Variants in HESX1 observed in about 807,000 individuals in gnomAD.
HESX1 encodes HESX homeobox 1.
HESX1 carries 11 observed loss-of-function variants against 22.5 expected under a neutral mutation model. The observed-to-expected ratio is 0.49, with a 90% CI of 0.31 to 0.81. The LOEUF (loss-of-function observed/expected upper bound fraction) is 0.81. Ranked by LOEUF, HESX1 falls within the 30% of genes least tolerant of loss-of-function variation. The probability of loss-of-function intolerance (pLI) is 0.05; values close to 1 mark genes in which losing one functional copy is unlikely to be tolerated. For synonymous variants in HESX1, 74 were observed against 76.5 expected, an observed-to-expected ratio of 0.97 and a Z score of 0.17; for missense variants, 201 against 212.6, an observed-to-expected ratio of 0.95 and a Z score of 0.34.
chr3:57,221,663 G>C (rs975852679), intron 1 of HESX1, among the ~76,000 whole-genome samples: 2 of 152,150 alleles, frequency 1.3e-5, no homozygotes, highest in Non-Finnish European at 2.9e-5. Flanking sequence ...CTGGAGTGCA[G>C]TGGCACAATC....
chr3:57,226,352 G>A (rs1205483465), exon 1 of HESX1: 1 of 152,106 alleles, frequency 6.6e-6, no homozygotes, highest in Non-Finnish European at 1.5e-5. Flanking sequence ...TGGCAGAGTA[G>A]AAATGAGATA....
At chr3:57,212,843 G>T (rs777027989) in intron 1 of HESX1, among the ~76,000 whole-genome samples, 1 of 152,040 alleles carries the variant, frequency 6.6e-6, no homozygotes, top group Non-Finnish European at 1.5e-5. Context: ...TACACAACGT[G>T]CAAGTTTGTT....
chr3:57,217,587 T>C (rs1405872695), intron 1 of HESX1, among the ~76,000 whole-genome samples: 1 of 152,132 alleles, frequency 6.6e-6, no homozygotes, highest in Non-Finnish European at 1.5e-5. Context: ...TCTTCCTACT[T>C]GGGCTCTGAC....
intron 1 of HESX1, among the ~76,000 whole-genome samples, chr3:57,220,214 C>A (rs2060607830): frequency 6.6e-6 from 1 of 152,074 alleles, no homozygotes; most frequent in African/African-American, 2.4e-5. Flanking sequence ...ATTTTTGTAC[C>A]AATACCATGC....
At chr3:57,215,505 A>C (rs1270614614) in intron 1 of HESX1, among the ~76,000 whole-genome samples, 1 of 152,194 alleles carries the variant, frequency 6.6e-6, no homozygotes, top group Admixed American at 6.5e-5. Flanking sequence ...ACGGTGGCTC[A>C]CACCTGTAAT....
intron 2 of HESX1, 26 bp downstream of exon 2, chr3:57,198,721 TATTATC>T: frequency 6.2e-7 from 1 of 1,600,410 alleles, no homozygotes; most frequent in Non-Finnish European, 8.6e-7. Flanking sequence ...AAAGCCTTTA[TATTATC>T]ATTATTGGGT....
At chr3:57,199,548 G>A (rs1490830604) in intron 1 of HESX1, among the ~76,000 whole-genome samples, 1 of 151,884 alleles carries the variant, frequency 6.6e-6, no homozygotes, top group African/African-American at 2.4e-5. Context: ...GAACCCAGGA[G>A]GCGGAGGCTG....
chr3:57,217,125 G>T (rs920881264), intron 1 of HESX1, among the ~76,000 whole-genome samples: 25 of 152,032 alleles, frequency 1.6e-4, no homozygotes, highest in Non-Finnish European at 1.6e-4. Flanking sequence ...ATTCCTCCAA[G>T]GAGCCCTCCA....
chr3:57,222,007 T>A (rs1019427344), intron 1 of HESX1, among the ~76,000 whole-genome samples: 3 of 152,220 alleles, frequency 2.0e-5, no homozygotes, highest in African/African-American at 7.2e-5. Context: ...ATATTTTTGT[T>A]TTGTTCATTA....
chr3:57,225,869 T>C (rs990563469), intron 1 of HESX1, among the ~76,000 whole-genome samples: 2 of 140,232 alleles, frequency 1.4e-5, no homozygotes, highest in Non-Finnish European at 3.2e-5. Flanking sequence ...ACAAATACTT[T>C]TCTTTTCTTT....
At chr3:57,218,867 G>C (rs560437386) in intron 1 of HESX1, among the ~76,000 whole-genome samples, 1 of 152,304 alleles carries the variant, frequency 6.6e-6, no homozygotes, top group East Asian at 1.9e-4. Context: ...GACTAGTGCT[G>C]CAATGACCAT....
chr3:57,198,642 G>T, intron 2 of HESX1, 111 bp downstream of exon 2: 2 of 1,104,128 alleles, frequency 1.8e-6, no homozygotes, highest in Non-Finnish European at 2.8e-6. Flanking sequence ...GTAGTCTACT[G>T]TTTCATTAAT....
intron 1 of HESX1, among the ~76,000 whole-genome samples, chr3:57,219,899 C>T (rs935895362): frequency 6.6e-6 from 1 of 152,198 alleles, no homozygotes; most frequent in Non-Finnish European, 1.5e-5. Context: ...GCATTTTCAT[C>T]ATGAAATCTT....
chr3:57,218,533 T>C (rs1559501979), intron 1 of HESX1, among the ~76,000 whole-genome samples: 2 of 146,390 alleles, frequency 1.4e-5, no homozygotes, highest in African/African-American at 5.0e-5. Flanking sequence ...AACCTCTGCC[T>C]CCCGGGTTCA....
At chr3:57,210,861 A>C (rs2060549235) in intron 1 of HESX1, among the ~76,000 whole-genome samples, 1 of 152,230 alleles carries the variant, frequency 6.6e-6, no homozygotes, top group Non-Finnish European at 1.5e-5. Context: ...TCTACAGAAG[A>C]GAAGACACTA....
At chr3:57,199,702 G>A in intron 1 of HESX1, 60 bp downstream of exon 1, 1 of 1,474,290 alleles carries the variant, frequency 6.8e-7, no homozygotes, top group East Asian at 2.3e-5. Context: ...TGAAATAAAG[G>A]GCAAATTAAA....
At chr3:57,203,176 G>A (rs968355193), upstream of HESX1, among the ~76,000 whole-genome samples, 2 of 152,144 alleles carry the variant, frequency 1.3e-5, no homozygotes, top group Non-Finnish European at 2.9e-5. Flanking sequence ...AGAAGTGAGT[G>A]CAACCAGGGA....
chr3:57,225,620 C>T (rs1454811629), intron 1 of HESX1, among the ~76,000 whole-genome samples: 6 of 152,140 alleles, frequency 3.9e-5, no homozygotes, highest in African/African-American at 1.2e-4. Flanking sequence ...GGATTACAGG[C>T]GTGAGCCCCA....
intron 1 of HESX1, among the ~76,000 whole-genome samples, chr3:57,212,557 C>CAAAAAAAAAAAAAAAAAAAAAAAAA (rs56093005): frequency 5.0e-5 from 4 of 80,128 alleles, no homozygotes; most frequent in South Asian, 8.5e-4. Flanking sequence ...GACTCTGTCT[C>CAAAAAAAAAAAAAAAAAAAAAAAAA]AAAAAAAAAA....
Sources: gnomAD v4.1 joint callset for allele counts (sites outside exome capture counted in the v4.1 genomes callset) on GRCh38, gnomAD v4.1.1 for gene constraint, MANE v1.5 for transcripts, NCBI Gene and HGNC (gene_info 2026-07-23, HGNC 2026-07-21) for gene names.